GTF2H5: variants seen among roughly 807,000 people sequenced by gnomAD.
GTF2H5 encodes the protein general transcription factor IIH subunit 5, also known as TFB5 ortholog.
GTF2H5 carries 5 observed loss-of-function variants against 7.1 expected under a neutral mutation model. The observed-to-expected ratio is 0.71, with a 90% CI of 0.37 to 1.49. The LOEUF is 1.49. Ranked by LOEUF, GTF2H5 falls within the 40% of genes most tolerant of loss-of-function variation. The pLI, the probability that GTF2H5 is intolerant of heterozygous loss-of-function variation, is 0.03. For missense variants in GTF2H5, 80 were observed against 83.0 expected, an observed-to-expected ratio of 0.96 and a Z score of 0.14; for synonymous variants, 30 against 31.7, an observed-to-expected ratio of 0.95 and a Z score of 0.18.
intron 2 of GTF2H5, among the ~76,000 whole-genome samples, chr6:158,181,279 T>A (rs931957954): frequency 6.6e-6 from 1 of 152,166 alleles, no homozygotes; most frequent in African/African-American, 2.4e-5. Flanking sequence ...CTGAGGAATG[T>A]TTTACTTCCA....
At chr6:158,170,572 T>TTGTTTG in intron 2 of GTF2H5, 34 bp downstream of exon 2, 4 of 1,431,918 alleles carry the variant, frequency 2.8e-6, no homozygotes, top group Non-Finnish European at 3.9e-6. Context: ...AGTTTTAAGT[T>TTGTTTG]TAAATATTGA....
chr6:158,181,107 T>G (rs958355139), intron 2 of GTF2H5, among the ~76,000 whole-genome samples: 1 of 152,230 alleles, frequency 6.6e-6, no homozygotes, highest in African/African-American at 2.4e-5. Context: ...ACATCTTTAT[T>G]TCTGCGTTAA....
At chr6:158,191,941 A>G (rs755925448) in intron 2 of GTF2H5, 36 bp from the exon 3 acceptor site, 28 of 1,558,536 alleles carry the variant, frequency 1.8e-5, no homozygotes, top group African/African-American at 2.7e-5. Flanking sequence ...TGATTTGACA[A>G]CAAGCTGTCT....
chr6:158,169,683 ATAAT>A (rs1330603662), intron 1 of GTF2H5, among the ~76,000 whole-genome samples: 1 of 89,542 alleles, frequency 1.1e-5, no homozygotes, highest in Non-Finnish European at 1.8e-5. Context: ...TATATAATAT[ATAAT>A]ATATATTATA....
At chr6:158,174,080 G>A (rs1785897263) in intron 2 of GTF2H5, among the ~76,000 whole-genome samples, 1 of 152,084 alleles carries the variant, frequency 6.6e-6, no homozygotes, top group South Asian at 2.1e-4. Context: ...TCTTGGTTCT[G>A]GCTGGTTTCT....
chr6:158,186,155 G>A (rs921893986), intron 2 of GTF2H5, among the ~76,000 whole-genome samples: 3 of 152,218 alleles, frequency 2.0e-5, no homozygotes, highest in African/African-American at 7.2e-5. Context: ...CAACAGAGAT[G>A]TTACAAGAGA....
intron 2 of GTF2H5, among the ~76,000 whole-genome samples, chr6:158,188,735 T>G (rs995648339): frequency 3.3e-5 from 5 of 152,236 alleles, no homozygotes; most frequent in Admixed American, 3.3e-4. Flanking sequence ...ATGCTCTGTT[T>G]GTAAAATACC....
intron 2 of GTF2H5, among the ~76,000 whole-genome samples, chr6:158,179,631 GCTCT>G (rs1488048171): frequency 1.3e-5 from 2 of 152,068 alleles, no homozygotes; most frequent in Admixed American, 6.6e-5. Flanking sequence ...TCATGATTTG[GCTCT>G]CTGTTTGTCT....
At chr6:158,179,506 C>G (rs1289470244) in intron 2 of GTF2H5, among the ~76,000 whole-genome samples, 2 of 152,108 alleles carry the variant, frequency 1.3e-5, no homozygotes, top group Non-Finnish European at 2.9e-5. Flanking sequence ...TTTGTGTCCT[C>G]TCTTATTTCC....
chr6:158,170,413 C>G (rs1785838835), intron 1 of GTF2H5, 57 bp from the exon 2 acceptor site: 1 of 1,047,366 alleles, frequency 9.5e-7, no homozygotes, highest in South Asian at 1.3e-5. Flanking sequence ...GGCAGATCCC[C>G]AAAGTATATG....
In GTF2H5 at chr6:158,169,420, A is replaced by T. The variant is rs1454238392; in HGVS notation, c.-35+1025A>T. On this transcript the variant is annotated intron_variant, in intron 1 of 2. Coordinates refer to ENST00000607778, the MANE Select transcript of GTF2H5 (RefSeq NM_207118.3). The stretch of plus-strand genomic sequence containing the variant: ...TATTATATTGTATATTATATATTAT[A>T]TATAATATATTGTATATTATATATA... Among the ~76,000 whole-genome samples the T allele has an allele frequency of 5.5e-4, 46 of 83,220 alleles. 1 individual carries two copies. The highest frequency in any genetic ancestry group is 2.4e-3 in the African/African-American group (43 of 18,012). 54.6% of individuals were successfully genotyped at this position (83,220 alleles called of 152,430 possible). A position where few individuals can be genotyped will look rare whatever the true frequency, so the allele number is the denominator to read the frequency against.
intron 1 of GTF2H5, among the ~76,000 whole-genome samples, chr6:158,169,385 T>TTATACA (rs1785718595): frequency 1.0e-5 from 1 of 97,542 alleles, no homozygotes; most frequent in Non-Finnish European, 1.8e-5. Context: ...ATATTATATA[T>TTATACA]TATATATAAT....
chr6:158,169,693 T>TATTATATAATATATTGTATATTA (rs1483686884), intron 1 of GTF2H5, among the ~76,000 whole-genome samples: 2 of 66,148 alleles, frequency 3.0e-5, no homozygotes, highest in Non-Finnish European at 5.0e-5. Context: ...ATAATATATA[T>TATTATATAATATATTGTATATTA]TATATAATAT....
chr6:158,189,014 G>A (rs1013772387), intron 2 of GTF2H5, among the ~76,000 whole-genome samples: 1 of 144,662 alleles, frequency 6.9e-6, no homozygotes, highest in African/African-American at 2.6e-5. Flanking sequence ...GCAGCAGCAG[G>A]ATGCCCTGTA....
rs1179465352 is a variant in GTF2H5, at chr6:158,187,285, C to G, written c.36-4692C>G. On this transcript the variant is annotated intron_variant, in intron 2 of 2. Transcript: ENST00000607778. ...TGCTGGGATTACAGATGTGAGCCAC[C>G]GCACCTGGCCCAGAGCTCTTATCAG... Among the ~76,000 whole-genome samples the G allele has an allele frequency of 3.3e-5, 5 of 151,970 alleles. No individual in the cohort carries two copies. In the East Asian group the frequency reaches 9.7e-4, roughly 30 times the overall value.
In GTF2H5 at chr6:158,168,440, A is replaced by G. The variant is rs191642329; in HGVS notation, c.-35+45A>G. On this transcript the variant is annotated intron_variant, in intron 1 of 2. Coordinates refer to ENST00000607778, the MANE Select transcript of GTF2H5 (RefSeq NM_207118.3). ...GCGGCTGGGGAAAGTGGGGTGTGGG[A>G]ACACTGAGGGGTCCCAAAGAAAGGG... The G allele has an allele frequency of 6.6e-3, 1,013 of 152,466 alleles. 5 individuals are homozygous for G. Among genetic ancestry groups the G allele is most frequent in the Non-Finnish European group, 9.0e-3 (615 of 68,178 alleles). 9.4% of individuals were successfully genotyped at this position (152,466 alleles called of 1,614,324 possible).
At chr6:158,191,644 G>A (rs1303850629) in intron 2 of GTF2H5, among the ~76,000 whole-genome samples, 6 of 152,022 alleles carry the variant, frequency 3.9e-5, no homozygotes, top group South Asian at 4.2e-4. Context: ...CACCACACCC[G>A]GCTAATTTTT....
intron 2 of GTF2H5, among the ~76,000 whole-genome samples, chr6:158,172,113 A>G (rs1050241940): frequency 2.6e-5 from 4 of 151,466 alleles, no homozygotes; most frequent in African/African-American, 9.7e-5. Context: ...TTAAATATTC[A>G]CTTCTCTCTT....
chr6:158,169,501 A>AT lies in GTF2H5; in HGVS notation c.-34-969_-34-968insT, dbSNP rs1409637004. On this transcript the variant is annotated intron_variant, in intron 1 of 2. Transcript: ENST00000607778. The stretch of plus-strand genomic sequence containing the variant: ...ATATATAATATATTGTATATTATAT[A>AT]ATATATTGTATATTATATATAATAT... 2.3e-4 allele frequency among the ~76,000 whole-genome samples: 18 copies of AT among 78,826 alleles called. 1 individual carries two copies. The highest frequency in any genetic ancestry group is 1.5e-3 in the East Asian group (3 of 2,064). The allele number at this position is 78,826 out of a possible 152,430, so 51.7% of individuals were successfully genotyped here. A position where few individuals can be genotyped will look rare whatever the true frequency, so the allele number is the denominator to read the frequency against.
Sources: allele counts gnomAD v4.1 joint callset (sites outside exome capture counted in the v4.1 genomes callset), GRCh38; gene constraint gnomAD v4.1.1; transcripts MANE v1.5; gene names NCBI Gene and HGNC (gene_info 2026-07-23, HGNC 2026-07-21).